The following LRP6 variants were observed in gnomAD, a reference collection of about 807,000 sequenced individuals.
The protein encoded by LRP6 is LDL receptor related protein 6.
LRP6 carries 43 observed loss-of-function variants against 184.1 expected under a neutral mutation model. The ratio of observed to expected loss-of-function variants is 0.23; its 90% CI spans 0.18 to 0.30. LRP6 has a LOEUF of 0.30. Among genes scored for constraint, LRP6 ranks in the 10% least tolerant of loss-of-function variants. The probability of loss-of-function intolerance (pLI) is 1.00; values close to 1 mark genes in which losing one functional copy is unlikely to be tolerated. For missense variants in LRP6, 1,571 were observed against 2,005.3 expected, an observed-to-expected ratio of 0.78 and a Z score of 4.14; for synonymous variants, 719 against 684.9, an observed-to-expected ratio of 1.05 and a Z score of -0.78.
intron 3 of LRP6, among the ~76,000 whole-genome samples, chr12:12,199,737 G>A (rs566664559): frequency 7.0e-4 from 107 of 151,860 alleles, no homozygotes; most frequent in African/African-American, 1.1e-3. Context: ...AGGCTGAGGC[G>A]GGCGGATCAC....
intron 2 of LRP6, among the ~76,000 whole-genome samples, chr12:12,222,044 T>C (rs567751419): frequency 6.6e-6 from 1 of 152,306 alleles, no homozygotes; most frequent in South Asian, 2.1e-4. Context: ...CAACTAAAAT[T>C]CCTTCTCACA....
chr12:12,239,000 G>A (rs1019654186), intron 2 of LRP6, among the ~76,000 whole-genome samples: 8 of 151,990 alleles, frequency 5.3e-5, no homozygotes, highest in Non-Finnish European at 7.4e-5. Context: ...CACCAAACAC[G>A]GAATTCAAAA....
rs1331863319 is a variant in LRP6, at chr12:12,186,997, C to A, written c.770G>T (p.Gly257Val). Residue 257 changes from glycine (G) to valine (V), a missense_variant, in exon 4 of 23, where the codon GGT (glycine) becomes GTT (valine). Transcript: ENST00000261349. ...GATGTCAGAATGGATTTCACGCAGACCCTCACCAGTATACTTGTTGCAAGC... is the reference window on the plus strand; with the variant it reads ...GATGTCAGAATGGATTTCACGCAGAACCTCACCAGTATACTTGTTGCAAGC... ...ILACNKYTGE[G>V]LREIHSDIFS... is the part of the protein sequence containing the mutation. 2 of 1,613,986 alleles carry A rather than the reference C, an allele frequency of 1.2e-6. No individual in the cohort carries two copies. Among genetic ancestry groups the A allele is most frequent in the African/African-American group, 2.7e-5 (2 of 74,886 alleles).
chr12:12,257,376 G>A (rs1865489871), intron 1 of LRP6, among the ~76,000 whole-genome samples: 1 of 151,940 alleles, frequency 6.6e-6, no homozygotes. Flanking sequence ...CAGGAGATCA[G>A]ACCATCCTGG....
intron 1 of LRP6, among the ~76,000 whole-genome samples, chr12:12,245,809 T>C (rs1323562506): frequency 6.6e-6 from 1 of 152,054 alleles, no homozygotes; most frequent in African/African-American, 2.4e-5. Context: ...TCCAAGCTTC[T>C]GACATTTACT....
intron 4 of LRP6, among the ~76,000 whole-genome samples, chr12:12,185,583 G>A (rs1046502983): frequency 6.6e-6 from 1 of 152,122 alleles, no homozygotes; most frequent in Admixed American, 6.5e-5. Flanking sequence ...ACACAAAAGT[G>A]CCAAACCCTT....
Position 12,266,792 on chromosome 12 carries a change from G to T in LRP6, c.-57C>A. ...CGAGGGGTGGCCAGAAGTGGGGGAG[G>T]CGAGGAGCCGGGGCGGCCGCCGCAG... On this transcript the variant is annotated 5_prime_UTR_variant, in exon 1 of 23. Coordinates refer to ENST00000261349, the MANE Select transcript of LRP6 (RefSeq NM_002336.3). 6.8e-7 allele frequency: 1 copy of T among 1,465,598 alleles called. No homozygotes were observed. The highest frequency in any genetic ancestry group is 9.4e-7 in the Non-Finnish European group (1 of 1,061,034). The allele number at this position is 1,465,598 out of a possible 1,614,324, so 90.8% of individuals were successfully genotyped here. A position where few individuals can be genotyped will look rare whatever the true frequency, so the allele number is the denominator to read the frequency against.
chr12:12,136,085 G>A (rs760005179), intron 16 of LRP6, among the ~76,000 whole-genome samples: 11 of 152,150 alleles, frequency 7.2e-5, no homozygotes, highest in Admixed American at 4.6e-4. Context: ...TACTCGGGAG[G>A]CTGAGGCATA....
At chr12:12,263,984 T>C (rs571189518) in intron 1 of LRP6, among the ~76,000 whole-genome samples, 4 of 151,334 alleles carry the variant, frequency 2.6e-5, no homozygotes, top group South Asian at 2.1e-4. Flanking sequence ...CAACCCCATA[T>C]CTACAAAAAA....
At chr12:12,250,616 A>G (rs1255466604) in intron 1 of LRP6, among the ~76,000 whole-genome samples, 1 of 152,164 alleles carries the variant, frequency 6.6e-6, no homozygotes, top group Non-Finnish European at 1.5e-5. Flanking sequence ...ATACATATTT[A>G]CTAATATTTT....
intron 12 of LRP6, among the ~76,000 whole-genome samples, chr12:12,157,330 C>T (rs549020552): frequency 2.0e-5 from 3 of 152,112 alleles, no homozygotes; most frequent in East Asian, 1.9e-4. Flanking sequence ...TCAACACACA[C>T]GCTGCTGCCA....
chr12:12,116,684 C>G lies in LRP6; in HGVS notation c.*4442G>C, dbSNP rs1242167491. 1 of 152,156 alleles carries G rather than the reference C, an allele frequency of 6.6e-6. No individual in the cohort carries two copies. The highest frequency in any genetic ancestry group is 1.5e-5 in the Non-Finnish European group (1 of 68,036). The allele number at this position is 152,156 out of a possible 1,614,324, so 9.4% of individuals were successfully genotyped here. A position where few individuals can be genotyped will look rare whatever the true frequency, so the allele number is the denominator to read the frequency against. On this transcript the variant is annotated 3_prime_UTR_variant, in exon 23 of 23. Coordinates refer to ENST00000261349, the MANE Select transcript of LRP6 (RefSeq NM_002336.3). ...TGGAGAATCTAACAGTTCGTTAGGT[C>G]TGTACTCTGCTTCTAAATACAAGAC...
intron 3 of LRP6, 86 bp downstream of exon 3, chr12:12,203,117 A>AT: frequency 1.1e-6 from 1 of 940,756 alleles, no homozygotes; most frequent in South Asian, 1.7e-5. Context: ...AAAAATAAAC[A>AT]TATTTCTTAA....
At chr12:12,204,833 G>A (rs1864010449) in intron 2 of LRP6, among the ~76,000 whole-genome samples, 1 of 150,678 alleles carries the variant, frequency 6.6e-6, no homozygotes, top group Non-Finnish European at 1.5e-5. Context: ...CAGGAGTGGT[G>A]GTGGGTGCCT....
intron 2 of LRP6, among the ~76,000 whole-genome samples, chr12:12,210,609 A>C (rs961919846): frequency 6.6e-6 from 1 of 152,240 alleles, no homozygotes; most frequent in African/African-American, 2.4e-5. Flanking sequence ...AAGTCAATCC[A>C]GAAGTGTTGA....
At chr12:12,185,211 A>T (rs1176345641) in intron 4 of LRP6, among the ~76,000 whole-genome samples, 2 of 152,168 alleles carry the variant, frequency 1.3e-5, no homozygotes, top group African/African-American at 4.8e-5. Flanking sequence ...AGGTGGAAAG[A>T]TCACTTGAGC....
intron 10 of LRP6, 47 bp from the exon 11 acceptor site, chr12:12,160,011 T>TG: frequency 1.4e-6 from 2 of 1,382,212 alleles, no homozygotes; most frequent in Non-Finnish European, 2.0e-6. Flanking sequence ...TTTTATTATC[T>TG]GGGGGAAAGA....
rs537156062 is a variant in LRP6, at chr12:12,266,991, T to G, written c.-256A>C. ...CCGCCTCCTCCCCCGGCGCCCCGCT[T>G]CCCCCGCGCAGCTCCTCATTCAGCC... On this transcript the variant is annotated 5_prime_UTR_variant, in exon 1 of 23. Coordinates refer to ENST00000261349, the MANE Select transcript of LRP6 (RefSeq NM_002336.3). 159 of 519,952 alleles carry G rather than the reference T, an allele frequency of 3.1e-4. No individual in the cohort carries two copies. The highest frequency in any genetic ancestry group is 4.7e-4 in the Non-Finnish European group (141 of 297,678). The allele number at this position is 519,952 out of a possible 1,614,324, so 32.2% of individuals were successfully genotyped here.
chr12:12,211,437 G>A (rs534624038), intron 2 of LRP6, among the ~76,000 whole-genome samples: 3 of 152,268 alleles, frequency 2.0e-5, no homozygotes, highest in South Asian at 2.1e-4. Flanking sequence ...GCAACACTCC[G>A]TCTCAAAAAA....
Sources: allele counts gnomAD v4.1 joint callset (sites outside exome capture counted in the v4.1 genomes callset), GRCh38; gene constraint gnomAD v4.1.1; transcripts MANE v1.5; gene names NCBI Gene and HGNC (gene_info 2026-07-23, HGNC 2026-07-21).